The following PARP16 variants were observed in gnomAD, a reference collection of about 807,000 sequenced individuals.
PARP16 encodes poly(ADP-ribose) polymerase family member 16.
A neutral mutation model predicts 35.0 loss-of-function variants in PARP16; 31 were observed. The observed-to-expected ratio is 0.88, with a 90% CI of 0.66 to 1.19. PARP16 has a LOEUF of 1.19. Ranked by LOEUF, PARP16 falls within the 50% of genes most tolerant of loss-of-function variation. The pLI, the probability that PARP16 is intolerant of heterozygous loss-of-function variation, is 0.00. For synonymous variants in PARP16, 162 were observed against 169.5 expected (o/e 0.96, Z 0.34); for missense variants, 424 against 411.2 (o/e 1.03, Z -0.27).
intron 3 of PARP16, among the ~76,000 whole-genome samples, chr15:65,238,506 T>C (rs553724250): frequency 1.3e-5 from 2 of 152,276 alleles, no homozygotes; most frequent in African/African-American, 4.8e-5. Flanking sequence ...ATGCAGTTTA[T>C]CCAAACTGCT....
At chr15:65,240,337 T>TGTGG (rs2089033400) in intron 3 of PARP16, among the ~76,000 whole-genome samples, 1 of 146,024 alleles carries the variant, frequency 6.8e-6, no homozygotes, top group Non-Finnish European at 1.5e-5. Flanking sequence ...TGTGTGTGTG[T>TGTGG]GTGTGTGTGT....
At chr15:65,240,347 T>TGC (rs1239262013) in intron 3 of PARP16, among the ~76,000 whole-genome samples, 2 of 148,388 alleles carry the variant, frequency 1.3e-5, no homozygotes, top group Non-Finnish European at 3.0e-5. Context: ...TGTGTGTGTG[T>TGC]GTGTGTGTGT....
intron 2 of PARP16, among the ~76,000 whole-genome samples, chr15:65,251,448 G>A (rs2140779862): frequency 6.6e-6 from 1 of 152,290 alleles, no homozygotes; most frequent in Middle Eastern, 3.4e-3. Context: ...TGAAAAGTCT[G>A]GCTTCAAGCA....
At chr15:65,261,682 C>T (rs997306363) in intron 4 of PARP16, among the ~76,000 whole-genome samples, 3 of 151,866 alleles carry the variant, frequency 2.0e-5, no homozygotes, top group South Asian at 2.1e-4. Flanking sequence ...TCTCAAACTC[C>T]GGACACCTCA....
chr15:65,261,758 T>G (rs1044909221), intron 4 of PARP16, among the ~76,000 whole-genome samples: 2 of 151,620 alleles, frequency 1.3e-5, no homozygotes, highest in Non-Finnish European at 2.9e-5. Context: ...ACACCCGGCC[T>G]TAACAGGCAT....
In PARP16 at chr15:65,250,106, C is replaced by CTTTTTTTTTTTT. The variant is rs1567013240; in HGVS notation, c.203-1879_203-1878insAAAAAAAAAAAA. On this transcript the variant is annotated intron_variant and NMD_transcript_variant, in intron 2 of 3. Transcript: ENST00000559805. ...CTAGCTGCAGCCTTGCACCTGCTTG[C>CTTTTTTTTTTTT]CTTTTTTTTTTTTTTTTTTTTTTTT... Among the ~76,000 whole-genome samples the CTTTTTTTTTTTT allele has an allele frequency of 4.8e-5, 5 of 104,198 alleles. 1 individual carries two copies. Among genetic ancestry groups the CTTTTTTTTTTTT allele is most frequent in the Non-Finnish European group, 9.4e-5 (5 of 53,200 alleles). 68.4% of individuals were successfully genotyped at this position (104,198 alleles called of 152,430 possible). A position where few individuals can be genotyped will look rare whatever the true frequency, so the allele number is the denominator to read the frequency against.
downstream of PARP16, among the ~76,000 whole-genome samples, chr15:65,253,736 T>G (rs570445372): frequency 6.6e-6 from 1 of 152,206 alleles, no homozygotes; most frequent in Non-Finnish European, 1.5e-5. Flanking sequence ...CTCCAGCACC[T>G]ACCATATCTT....
At chr15:65,283,911 A>G (rs1363517536) in intron 1 of PARP16, among the ~76,000 whole-genome samples, 26 of 152,204 alleles carry the variant, frequency 1.7e-4, no homozygotes, top group Admixed American at 1.1e-3. Flanking sequence ...GAGGGAAGTC[A>G]GTCAATTTGC....
intron 1 of PARP16, among the ~76,000 whole-genome samples, chr15:65,278,129 T>G (rs1245527205): frequency 6.6e-6 from 1 of 151,914 alleles, no homozygotes; most frequent in Non-Finnish European, 1.5e-5. Flanking sequence ...GGCTCAAATG[T>G]CCCCCAGGGC....
At chr15:65,284,297 G>A (rs182306797) in intron 1 of PARP16, among the ~76,000 whole-genome samples, 40 of 144,892 alleles carry the variant, frequency 2.8e-4, no homozygotes, top group African/African-American at 1.0e-3. Context: ...GATAATTTTT[G>A]CATTCATACT....
In PARP16 at chr15:65,263,187, A is replaced by G. The variant is rs1182029976; in HGVS notation, c.653T>C (p.Ile218Thr). ...TTGGCACTTGACGTCCGGATGGTCA[A>G]TGACCTCACACACGGCCACACAGCT... ...ILSCVAVCEV[I>T]DHPDVKCQTK... Residue 218 changes from isoleucine (I) to threonine (T), a missense_variant, in exon 4 of 6, where the codon ATT becomes ACT. By Grantham distance (89) the Ile-to-Thr change is moderately conservative (BLOSUM62 -1). Coordinates refer to ENST00000649807, the MANE Select transcript of PARP16 (RefSeq NM_001316943.2). The G allele has an allele frequency of 6.2e-7, 1 of 1,614,176 alleles. No individual in the cohort carries two copies.
chr15:65,280,459 A>C (rs1488117052), intron 1 of PARP16, among the ~76,000 whole-genome samples: 1 of 150,876 alleles, frequency 6.6e-6, no homozygotes, highest in Non-Finnish European at 1.5e-5. Context: ...AAAAAAAATT[A>C]GCCATGGACC....
intron 1 of PARP16, 41 bp downstream of exon 1, chr15:65,286,212 T>A: frequency 1.3e-6 from 2 of 1,493,170 alleles, no homozygotes; most frequent in South Asian, 2.6e-5. Context: ...GGGCACTTGG[T>A]CCAGGACGCA....
chr15:65,243,917 G>A (rs1291157540), intron 3 of PARP16, among the ~76,000 whole-genome samples: 4 of 151,800 alleles, frequency 2.6e-5, no homozygotes, highest in Non-Finnish European at 5.9e-5. Flanking sequence ...CCTTCCACAT[G>A]CTGCCTTCCC....
intron 1 of PARP16, among the ~76,000 whole-genome samples, chr15:65,280,927 C>A (rs1305474391): frequency 6.6e-6 from 1 of 152,204 alleles, no homozygotes; most frequent in Non-Finnish European, 1.5e-5. Context: ...ACTATGTGTA[C>A]AAATTGCCCA....
At chr15:65,284,811 C>CTTTTTT (rs35683940) in intron 1 of PARP16, among the ~76,000 whole-genome samples, 8 of 72,242 alleles carry the variant, frequency 1.1e-4, no homozygotes, top group Admixed American at 4.1e-4. Context: ...AATCCAACGT[C>CTTTTTT]TTTTTTTTTT....
chr15:65,253,997 T>C (rs2089433996), downstream of PARP16, among the ~76,000 whole-genome samples: 1 of 152,094 alleles, frequency 6.6e-6, no homozygotes, highest in African/African-American at 2.4e-5. Flanking sequence ...TTTGTATTTT[T>C]AGTAGAGAAG....
rs1016755388 is a variant in PARP16 at position 65,260,735 on chromosome 15, A to G, written c.833+150T>C. The G allele has an allele frequency of 4.4e-6, 3 of 687,426 alleles. No individual in the cohort carries two copies. In the African/African-American group the frequency reaches 5.3e-5, roughly 12 times the overall value. 42.6% of individuals were successfully genotyped at this position (687,426 alleles called of 1,614,324 possible). ...CGGGACCACATCTTCTCCAGATCCT[A>G]TCTCTCACTTCTCACCGTGTCCAGC... On this transcript the variant is annotated intron_variant, in intron 5 of 5. Coordinates refer to ENST00000649807, the MANE Select transcript of PARP16 (RefSeq NM_001316943.2).
At chr15:65,237,820 A>G (rs954213607) in intron 3 of PARP16, among the ~76,000 whole-genome samples, 3 of 152,188 alleles carry the variant, frequency 2.0e-5, no homozygotes, top group African/African-American at 7.2e-5. Context: ...GCCACAGGAA[A>G]TTAATGCAGT....
Sources: gnomAD v4.1 joint callset for allele counts (sites outside exome capture counted in the v4.1 genomes callset) on GRCh38, gnomAD v4.1.1 for gene constraint, MANE v1.5 for transcripts, NCBI Gene and HGNC (gene_info 2026-07-23, HGNC 2026-07-21) for gene names.